The following CSMD3 variants were observed in gnomAD, a reference collection of about 807,000 sequenced individuals.
CSMD3 encodes the protein CUB and sushi domain-containing protein 3.
CSMD3 carries 177 observed loss-of-function variants against 435.2 expected under a neutral mutation model. That is an observed-to-expected ratio of 0.41 (90% CI 0.36 to 0.46). The LOEUF is 0.46. CSMD3 is among the 20% of genes least tolerant of loss of function. The pLI is 0.34. For synonymous variants in CSMD3, 1,656 were observed against 1,520.5 expected, an observed-to-expected ratio of 1.09 and a Z score of -2.07; for missense variants, 4,265 against 4,504.6, an observed-to-expected ratio of 0.95 and a Z score of 1.52.
At position 112,655,132 on chromosome 8, in the gene CSMD3, T is replaced by C. The variant is rs370833353; in HGVS notation, c.3004+1022A>G. On this transcript the variant is annotated intron_variant, in intron 18 of 70. Transcript: ENST00000297405. ...ATTTAAAAAAACTAATGGATCTATA[T>C]TGACAATTATTTTAAAAACCCATGA... 1.1e-4 allele frequency among the ~76,000 whole-genome samples: 17 copies of C among 152,226 alleles called. No individual in the cohort carries two copies. In the East Asian group the frequency reaches 2.1e-3, roughly 19 times the overall value.
intron 13 of CSMD3, among the ~76,000 whole-genome samples, chr8:112,698,260 G>A (rs1388128281): frequency 6.6e-6 from 1 of 151,928 alleles, no homozygotes; most frequent in Non-Finnish European, 1.5e-5. Flanking sequence ...AACCCTAAGG[G>A]GTTAAACTGA....
At chr8:113,347,572 A>C (rs528254928) in intron 1 of CSMD3, among the ~76,000 whole-genome samples, 14 of 152,162 alleles carry the variant, frequency 9.2e-5, no homozygotes, top group African/African-American at 3.1e-4. Flanking sequence ...GACAGCTAAG[A>C]TGACATTGCC....
At chr8:112,880,833 T>C (rs1464410620) in intron 10 of CSMD3, among the ~76,000 whole-genome samples, 1 of 152,004 alleles carries the variant, frequency 6.6e-6, no homozygotes, top group Non-Finnish European at 1.5e-5. Context: ...TACAGATGGA[T>C]TTAAGAGAGT....
At chr8:112,876,928 A>G (rs1457350180) in intron 10 of CSMD3, among the ~76,000 whole-genome samples, 1 of 152,230 alleles carries the variant, frequency 6.6e-6, no homozygotes, top group African/African-American at 2.4e-5. Flanking sequence ...TACAAAATCA[A>G]TATGGAAAAA....
rs752573773 is a variant in CSMD3 at position 112,337,585 on chromosome 8, C to G, written c.6799G>C (p.Gly2267Arg). The change falls in exon 43 of 71, where the codon GGA (glycine) becomes CGA (arginine). Residue 2267 changes from glycine to arginine, a missense_variant. By Grantham distance (125) the Gly-to-Arg change is moderately radical. Coordinates refer to ENST00000297405, the MANE Select transcript of CSMD3 (RefSeq NM_198123.2). ...IGNSALTCLH[G>R]VSRNWNHPLP... is the part of the protein sequence containing the mutation. ...GGATGATTCCAATTACGACTGACTC[C>G]GTGAAGGCATGTGAGAGCTGAATTT... 1 of 1,613,854 alleles carries G rather than the reference C, an allele frequency of 6.2e-7. No individual in the cohort carries two copies. Among genetic ancestry groups the G allele is most frequent in the Admixed American group, 1.7e-5 (1 of 59,994 alleles).
At chr8:112,340,340 A>C (rs1824975415) in intron 42 of CSMD3, among the ~76,000 whole-genome samples, 1 of 152,208 alleles carries the variant, frequency 6.6e-6, no homozygotes, top group East Asian at 1.9e-4. Context: ...TGTGTAATGT[A>C]GTGTTCTTAC....
intron 9 of CSMD3, among the ~76,000 whole-genome samples, chr8:112,945,586 ATATGTGTGTGTG>A (rs2083579833): frequency 1.0e-5 from 1 of 100,372 alleles, no homozygotes; most frequent in Non-Finnish European, 2.1e-5. Context: ...GAATACAGAA[ATATGTGTGTGTG>A]TGTGTGTGTG....
intron 3 of CSMD3, among the ~76,000 whole-genome samples, chr8:113,208,276 CG>C (rs1269377696): frequency 5.9e-5 from 9 of 152,032 alleles, no homozygotes; most frequent in African/African-American, 2.2e-4. Flanking sequence ...GGTCAGAAAC[CG>C]GGACCAGAGA....
At chr8:112,752,624 T>A (rs2077596068) in intron 13 of CSMD3, among the ~76,000 whole-genome samples, 1 of 152,108 alleles carries the variant, frequency 6.6e-6, no homozygotes, top group South Asian at 2.1e-4. Flanking sequence ...TCTTAAATAT[T>A]CATTCTGAAG....
At chr8:113,404,661 C>T (rs1322093923) in intron 1 of CSMD3, among the ~76,000 whole-genome samples, 2 of 151,344 alleles carry the variant, frequency 1.3e-5, no homozygotes, top group Non-Finnish European at 3.0e-5. Context: ...CTTCTACACA[C>T]CTGCTCCTAC....
Position 112,859,748 on chromosome 8 carries a change from A to G in CSMD3, c.1634-482T>C, listed in dbSNP as rs904008901. Among the ~76,000 whole-genome samples the G allele has an allele frequency of 4.0e-5, 6 of 151,146 alleles. No homozygotes were observed. The East Asian group carries it at 1.2e-3, about 29-fold the overall frequency. On this transcript the variant is annotated intron_variant, in intron 10 of 70. Transcript: ENST00000297405. ...TATAACTATGAATTAAAGAACTCAG[A>G]CTAAAAAAAAAAGCAGTTACATTTA...
chr8:113,368,772 T>G (rs1212006765), intron 1 of CSMD3, among the ~76,000 whole-genome samples: 1 of 152,118 alleles, frequency 6.6e-6, no homozygotes, highest in Admixed American at 6.6e-5. Flanking sequence ...TACATATCAT[T>G]TATAATTTTC....
rs913796607 is a variant in CSMD3 at position 113,324,429 on chromosome 8, C to T, written c.179-9636G>A. Reference sequence around the variant, plus strand: ...TCCAGCCATGACTGAAAGGGGACAACGTAGACCTCGGTGCATGGCTTCAGA... The same window carrying T: ...TCCAGCCATGACTGAAAGGGGACAATGTAGACCTCGGTGCATGGCTTCAGA... On this transcript the variant is annotated intron_variant, in intron 1 of 70. Transcript: ENST00000297405. Among the ~76,000 whole-genome samples, 7 of 152,214 alleles carry T rather than the reference C, an allele frequency of 4.6e-5. 1 individual carries two copies. The highest frequency in any genetic ancestry group is 4.1e-4 in the South Asian group (2 of 4,828).
At chr8:112,228,650 A>C (rs1051799360) in intron 70 of CSMD3, 106 bp downstream of exon 70, 17 of 1,220,464 alleles carry the variant, frequency 1.4e-5, no homozygotes, top group Non-Finnish European at 1.9e-5. Context: ...CAGACATTTC[A>C]ACAACTCAGA....
chr8:113,028,235 G>A (rs1204097083), intron 5 of CSMD3, among the ~76,000 whole-genome samples: 1 of 151,848 alleles, frequency 6.6e-6, no homozygotes, highest in East Asian at 1.9e-4. Context: ...TTGCTTTTGG[G>A]TGTCACAAAC....
At chr8:113,004,480 T>A (rs1346062864) in intron 6 of CSMD3, among the ~76,000 whole-genome samples, 1 of 152,038 alleles carries the variant, frequency 6.6e-6, no homozygotes, top group East Asian at 1.9e-4. Flanking sequence ...TTGAACAATG[T>A]AGAGCAGGCT....
intron 25 of CSMD3, 83 bp from the exon 26 acceptor site, chr8:112,552,803 A>T (rs1192310696): frequency 4.9e-6 from 6 of 1,213,860 alleles, no homozygotes; most frequent in Non-Finnish European, 6.0e-6. Context: ...TGAGTAGACA[A>T]AAGAATACTG....
At chr8:112,889,706 C>T (rs987551675) in intron 10 of CSMD3, among the ~76,000 whole-genome samples, 2 of 151,314 alleles carry the variant, frequency 1.3e-5, no homozygotes, top group African/African-American at 4.8e-5. Flanking sequence ...TGGGATTCTT[C>T]AAAAGAAAAA....
intron 27 of CSMD3, among the ~76,000 whole-genome samples, chr8:112,521,860 A>C (rs903992825): frequency 9.2e-5 from 14 of 151,812 alleles, no homozygotes; most frequent in Non-Finnish European, 1.5e-5. Flanking sequence ...TCACCTATAT[A>C]AATTTTTCCT....
Sources: gnomAD v4.1 joint callset for allele counts (sites outside exome capture counted in the v4.1 genomes callset) on GRCh38, gnomAD v4.1.1 for gene constraint, MANE v1.5 for transcripts, NCBI Gene and HGNC (gene_info 2026-07-23, HGNC 2026-07-21) for gene names.